The following SYT16 variants were observed in gnomAD, a reference collection of about 807,000 sequenced individuals.
The protein encoded by SYT16 is synaptotagmin 16, also known as synaptotagmin-16.
Under a neutral mutation model 61.4 loss-of-function variants are expected in SYT16, and 42 were observed. The ratio of observed to expected loss-of-function variants is 0.68; its 90% CI spans 0.53 to 0.89. The LOEUF is 0.89. SYT16 is among the 40% of genes least tolerant of loss of function. The pLI is 0.00. For missense variants in SYT16, 804 were observed against 807.3 expected (o/e 1.00, Z 0.05); for synonymous variants, 314 against 302.3 (o/e 1.04, Z -0.40).
chr14:61,988,663 A>T (rs1242348802), intron 2 of SYT16, among the ~76,000 whole-genome samples: 1 of 152,162 alleles, frequency 6.6e-6, no homozygotes, highest in Non-Finnish European at 1.5e-5. Flanking sequence ...AGAAGTTTAT[A>T]ATTTTTTTAA....
chr14:62,061,136 A>G (rs542916595), intron 3 of SYT16, among the ~76,000 whole-genome samples: 2 of 152,256 alleles, frequency 1.3e-5, no homozygotes, highest in African/African-American at 4.8e-5. Flanking sequence ...ATAATATTGT[A>G]TAATGCAACG....
At chr14:61,964,540 G>C (rs1202598386) in intron 1 of SYT16, among the ~76,000 whole-genome samples, 1 of 152,142 alleles carries the variant, frequency 6.6e-6, no homozygotes, top group African/African-American at 2.4e-5. Context: ...CAAAGAAAGT[G>C]GTTTCTTGAG....
intron 1 of SYT16, among the ~76,000 whole-genome samples, chr14:61,903,094 T>G (rs1226017621): frequency 6.6e-6 from 1 of 152,224 alleles, no homozygotes; most frequent in East Asian, 1.9e-4. Context: ...GTGTTCTCCC[T>G]GGTGGCTCTA....
At chr14:61,872,716 CT>C (rs1309617151) in intron 1 of SYT16, among the ~76,000 whole-genome samples, 1 of 152,196 alleles carries the variant, frequency 6.6e-6, no homozygotes, top group Non-Finnish European at 1.5e-5. Flanking sequence ...ATATAGAATT[CT>C]TTCTACTCTG....
intron 1 of SYT16, among the ~76,000 whole-genome samples, chr14:61,911,940 G>A (rs2048950706): frequency 6.6e-6 from 1 of 152,170 alleles, no homozygotes; most frequent in South Asian, 2.1e-4. Context: ...GGAAACAAAT[G>A]TATTATTGCT....
Position 62,079,433 on chromosome 14 carries a change from C to T in SYT16, c.994-1401C>T, listed in dbSNP as rs1217895342. 4.5e-6 allele frequency: 4 copies of T among 888,488 alleles called. No homozygotes were observed. In the South Asian group the frequency reaches 7.2e-5, roughly 16 times the overall value. The allele number at this position is 888,488 out of a possible 1,614,324, so 55.0% of individuals were successfully genotyped here. On this transcript the variant is annotated intron_variant, in intron 5 of 7. Transcript: ENST00000683842. ...TACAACATCCCTACACAGAAGGTAC[C>T]ATCTCCATTTTACAGTTGAGGAAAA... is the stretch of plus-strand genomic sequence containing the variant.
intron 3 of SYT16, among the ~76,000 whole-genome samples, chr14:62,051,730 G>A (rs1157093467): frequency 6.6e-6 from 1 of 152,132 alleles, no homozygotes; most frequent in East Asian, 1.9e-4. Context: ...TCTTGTTAGT[G>A]GCTTATTGTT....
chr14:61,986,890 T>C (rs990033530), intron 2 of SYT16, among the ~76,000 whole-genome samples: 1 of 152,176 alleles, frequency 6.6e-6, no homozygotes, highest in Admixed American at 6.6e-5. Context: ...TGATGGCCTA[T>C]TCTATGGTAG....
intron 1 of SYT16, among the ~76,000 whole-genome samples, chr14:61,885,028 T>A (rs1172792232): frequency 6.6e-6 from 1 of 152,196 alleles, no homozygotes; most frequent in Non-Finnish European, 1.5e-5. Flanking sequence ...CAAAATAACC[T>A]CTACTGATTT....
chr14:62,015,659 GT>G (rs1355365392), intron 3 of SYT16, among the ~76,000 whole-genome samples: 28 of 152,268 alleles, frequency 1.8e-4, no homozygotes, highest in Admixed American at 1.8e-3. Flanking sequence ...AATGGGATGA[GT>G]GCCCTTATAA....
chr14:61,838,604 C>A lies in SYT16; in HGVS notation c.-325+25794C>A, dbSNP rs1157662092. Among the ~76,000 whole-genome samples, 3 of 152,188 alleles carry A rather than the reference C, an allele frequency of 2.0e-5. No homozygotes were observed. The East Asian group carries it at 5.8e-4, about 29-fold the overall frequency. ...TTCCTGTTCTGGAGAATATTCCTGT[C>A]CTTTCCCTTTTGGCATAGGCTTTCT... On this transcript the variant is annotated intron_variant, in intron 1 of 7. Transcript: ENST00000683842.
intron 1 of SYT16, among the ~76,000 whole-genome samples, chr14:61,923,162 C>T (rs1211164042): frequency 6.6e-6 from 1 of 151,696 alleles, no homozygotes; most frequent in Non-Finnish European, 1.5e-5. Flanking sequence ...ATTATTAGGG[C>T]AACAAAAGAA....
At chr14:61,929,645 G>T (rs2049683885) in intron 1 of SYT16, among the ~76,000 whole-genome samples, 1 of 152,222 alleles carries the variant, frequency 6.6e-6, no homozygotes, top group Non-Finnish European at 1.5e-5. Flanking sequence ...CTACTGCATT[G>T]CTGGAGCATT....
chr14:62,059,650 T>TTA (rs2055727627), intron 3 of SYT16, among the ~76,000 whole-genome samples: 1 of 148,550 alleles, frequency 6.7e-6, no homozygotes. Context: ...TAGGATTAAT[T>TTA]TATATATATG....
intron 1 of SYT16, among the ~76,000 whole-genome samples, chr14:61,928,758 A>G (rs1453066101): frequency 6.6e-6 from 1 of 152,164 alleles, no homozygotes; most frequent in East Asian, 1.9e-4. Flanking sequence ...TTTTTAAATA[A>G]CCTGGGTTAA....
At chr14:61,922,219 A>C (rs1594921339) in intron 1 of SYT16, among the ~76,000 whole-genome samples, 1 of 152,232 alleles carries the variant, frequency 6.6e-6, no homozygotes, top group African/African-American at 2.4e-5. Flanking sequence ...TCTACCATAA[A>C]GTCACATGCA....
At chr14:61,968,323 A>T (rs561476117) in intron 1 of SYT16, among the ~76,000 whole-genome samples, 1 of 152,232 alleles carries the variant, frequency 6.6e-6, no homozygotes, top group East Asian at 1.9e-4. Context: ...GGAAAGAAGA[A>T]GATAAAGGGG....
chr14:61,964,402 A>G (rs1283426355), intron 1 of SYT16, among the ~76,000 whole-genome samples: 1 of 152,188 alleles, frequency 6.6e-6, no homozygotes, highest in Non-Finnish European at 1.5e-5. Flanking sequence ...CAGTGGAAGA[A>G]GTAACTGCAA....
At chr14:61,852,421 G>A (rs868431304) in intron 1 of SYT16, among the ~76,000 whole-genome samples, 1 of 152,054 alleles carries the variant, frequency 6.6e-6, no homozygotes, top group African/African-American at 2.4e-5. Context: ...GGTTCCATTT[G>A]AATTTTAAAA....
Sources: allele counts gnomAD v4.1 joint callset (sites outside exome capture counted in the v4.1 genomes callset), GRCh38; gene constraint gnomAD v4.1.1; transcripts MANE v1.5; gene names NCBI Gene and HGNC (gene_info 2026-07-23, HGNC 2026-07-21).